Variants in DHX37 observed in about 807,000 individuals in gnomAD.
The protein encoded by DHX37 is DEAH-box helicase 37.
Under a neutral mutation model 134.3 loss-of-function variants are expected in DHX37, and 52 were observed. The ratio of observed to expected loss-of-function variants is 0.39; its 90% CI spans 0.31 to 0.49. DHX37 has a LOEUF of 0.49. Ranked by LOEUF, DHX37 falls within the 20% of genes least tolerant of loss-of-function variation. The pLI is 0.93. For missense variants in DHX37, 1,344 were observed against 1,580.8 expected, an observed-to-expected ratio of 0.85 and a Z score of 2.54; for synonymous variants, 634 against 670.7, an observed-to-expected ratio of 0.95 and a Z score of 0.85.
At chr12:124,956,457 C>G (rs1314650199) in intron 18 of DHX37, among the ~76,000 whole-genome samples, 1 of 152,202 alleles carries the variant, frequency 6.6e-6, no homozygotes, top group African/African-American at 2.4e-5. Flanking sequence ...ACTAAACATA[C>G]TTTCAACATA....
rs11298102 is a variant in DHX37 at position 124,983,785 on chromosome 12, CAA to C, written c.277-1164_277-1163del. On this transcript the variant is annotated intron_variant, in intron 2 of 26. Coordinates refer to ENST00000308736, the MANE Select transcript of DHX37 (RefSeq NM_032656.4). ...GGGCAACAGAGCAAGACCTTGTCTC[CAA>C]AAAAAAAAAAAAAAAGAACACGCTC... is the stretch of plus-strand genomic sequence containing the variant. Among the ~76,000 whole-genome samples the C allele has an allele frequency of 5.5e-4, 65 of 117,372 alleles. No homozygotes were observed. In the East Asian group the frequency reaches 8.1e-3, roughly 15 times the overall value. 77.0% of individuals were successfully genotyped at this position (117,372 alleles called of 152,430 possible).
chr12:124,963,515 T>C (rs1396366771), intron 15 of DHX37, among the ~76,000 whole-genome samples: 2 of 152,126 alleles, frequency 1.3e-5, no homozygotes, highest in Admixed American at 6.5e-5. Context: ...ATGTGAATTA[T>C]ATCCTGATCA....
rs1319127763 is a variant in DHX37 at position 124,982,665 on chromosome 12, C to A, written c.277-42G>T. ...GTGTATTATGCATTTGCCATCACGA[C>A]CCTCTCTTAAGAAGGGAAGTGAGAC... On this transcript the variant is annotated intron_variant, in intron 2 of 26. Coordinates refer to ENST00000308736, the MANE Select transcript of DHX37 (RefSeq NM_032656.4). 6 of 1,599,940 alleles carry A rather than the reference C, an allele frequency of 3.8e-6. No individual in the cohort carries two copies. In the African/African-American group the frequency reaches 8.0e-5, roughly 21 times the overall value.
Position 124,981,995 on chromosome 12 carries a change from T to A in DHX37, c.389+516A>T, listed in dbSNP as rs185373943. Among the ~76,000 whole-genome samples the A allele has an allele frequency of 6.9e-4, 104 of 151,758 alleles. 1 individual carries two copies. Among genetic ancestry groups the A allele is most frequent in the Middle Eastern group, 3.4e-3 (1 of 292 alleles). On this transcript the variant is annotated intron_variant, in intron 3 of 26. Transcript: ENST00000308736. ...AAAATTAGCCGGGCTTGGTGGTGCA[T>A]GCCTGTAATCCCAGCTACTTGGGAG...
chr12:124,966,888 G>A lies in DHX37; in HGVS notation c.1505-10C>T. 1.2e-6 allele frequency: 2 copies of A among 1,614,214 alleles called. No individual in the cohort carries two copies. Among genetic ancestry groups the A allele is most frequent in the East Asian group, 2.2e-5 (1 of 44,878 alleles). On this transcript the variant is annotated splice_polypyrimidine_tract_variant and intron_variant, in intron 11 of 26. Coordinates refer to ENST00000308736, the MANE Select transcript of DHX37 (RefSeq NM_032656.4). ...TGATCGTCGTCCTTTTCTGGGAGAG[G>A]GGCAGGTTGGGGAGAAAGGCGTCTG...
chr12:124,956,675 G>A lies in DHX37; in HGVS notation c.2453+16C>T. 1.3e-6 allele frequency: 2 copies of A among 1,526,302 alleles called. No homozygotes were observed. The highest frequency in any genetic ancestry group is 1.8e-4 in the Middle Eastern group (1 of 5,544). 94.5% of individuals were successfully genotyped at this position (1,526,302 alleles called of 1,614,324 possible). On this transcript the variant is annotated intron_variant, in intron 18 of 26. Transcript: ENST00000308736. The stretch of plus-strand genomic sequence containing the variant: ...AACTGAGCTTGGCCCTGAGTGCCCA[G>A]CCGCCAACCTCGCACCTGTCCAGCT...
chr12:124,954,091 C>G lies in DHX37; in HGVS notation c.2574G>C (p.Leu858=). Reference sequence around the variant, plus strand: ...TCCAACGGGCAGGGCACAAACCCAGCAGCACCATGAGGTCGCCGAGCTTCA... The same window carrying G: ...TCCAACGGGCAGGGCACAAACCCAGGAGCACCATGAGGTCGCCGAGCTTCA... The part of the protein sequence containing the change: ...ASLKLGDLMV[L]LGAVGACEYA... The change falls in exon 19 of 27, where the codon CTG becomes CTC. Residue 858 remains leucine (L), a synonymous_variant. Transcript: ENST00000308736. 1 of 1,608,490 alleles carries G rather than the reference C, an allele frequency of 6.2e-7. No individual in the cohort carries two copies. Among genetic ancestry groups the G allele is most frequent in the Non-Finnish European group, 8.5e-7 (1 of 1,176,858 alleles).
At chr12:124,956,670 G>A in intron 18 of DHX37, 21 bp downstream of exon 18, 1 of 1,523,860 alleles carries the variant, frequency 6.6e-7, no homozygotes, top group Non-Finnish European at 8.9e-7. Flanking sequence ...GGCCCTGAGT[G>A]CCCAGCCGCC....
Position 124,982,662 on chromosome 12 carries a change from C to T in DHX37, c.277-39G>A, listed in dbSNP as rs61942959. On this transcript the variant is annotated intron_variant, in intron 2 of 26. Transcript: ENST00000308736. ...CGAGTGTATTATGCATTTGCCATCACGACCCTCTCTTAAGAAGGGAAGTGA... is the reference window on the plus strand; with the variant it reads ...CGAGTGTATTATGCATTTGCCATCATGACCCTCTCTTAAGAAGGGAAGTGA... 4.4e-4 allele frequency: 698 copies of T among 1,600,824 alleles called. 1 individual carries two copies. Among genetic ancestry groups the T allele is most frequent in the Non-Finnish European group, 4.3e-4 (499 of 1,170,816 alleles).
At chr12:124,982,390 C>T (rs1954776793) in intron 3 of DHX37, 121 bp downstream of exon 3, 1 of 1,349,570 alleles carries the variant, frequency 7.4e-7, no homozygotes. Flanking sequence ...TTTTCAGCCA[C>T]TCAGGCCACC....
At chr12:124,971,228 G>A (rs1386977398) in intron 8 of DHX37, 74 bp downstream of exon 8, 5 of 1,555,298 alleles carry the variant, frequency 3.2e-6, no homozygotes, top group East Asian at 2.4e-5. Context: ...AACAGGTGAA[G>A]GAAGCCCAAG....
At chr12:124,984,776 G>GATAT (rs2135972800) in intron 2 of DHX37, among the ~76,000 whole-genome samples, 1 of 152,240 alleles carries the variant, frequency 6.6e-6, no homozygotes, top group African/African-American at 2.4e-5. Context: ...AATATTTATG[G>GATAT]ATATAATGCT....
At chr12:124,955,564 G>C (rs564877709) in intron 18 of DHX37, among the ~76,000 whole-genome samples, 1 of 152,242 alleles carries the variant, frequency 6.6e-6, no homozygotes, top group East Asian at 1.9e-4. Context: ...TGCCTGCCTC[G>C]GCCTCCCAAG....
At position 124,947,861 on chromosome 12, in the gene DHX37, G is replaced by A; in HGVS notation, c.3415C>T (p.Leu1139Phe). 1 of 1,609,506 alleles carries A rather than the reference G, an allele frequency of 6.2e-7. No homozygotes were observed. Among genetic ancestry groups the A allele is most frequent in the Non-Finnish European group, 8.5e-7 (1 of 1,177,478 alleles). ...KYLLAEYCEW[L>F]PQAMHPDIEK... ...ATATCGGGGTGCATGGCCTGTGGAA[G>A]CCACTCACAGTACTCAGCCAGCAGG... Residue 1139 changes from leucine to phenylalanine, a missense_variant, in exon 27 of 27, where the codon CTT (leucine) becomes TTT (phenylalanine). Transcript: ENST00000308736.
At chr12:124,983,751 C>T (rs1161119327) in intron 2 of DHX37, among the ~76,000 whole-genome samples, 1 of 150,074 alleles carries the variant, frequency 6.7e-6, no homozygotes, top group African/African-American at 2.5e-5. Context: ...TACCACTGCA[C>T]TCCAGCCTGG....
chr12:124,969,050 T>A (rs750778708), intron 8 of DHX37, 82 bp from the exon 9 acceptor site: 84 of 1,354,596 alleles, frequency 6.2e-5, no homozygotes, highest in Non-Finnish European at 7.9e-5. Flanking sequence ...GGGGGTGCCC[T>A]GCTGCCCACC....
In DHX37 at chr12:124,975,495, C is replaced by T. The variant is rs369888049; in HGVS notation, c.904G>A (p.Gly302Ser). The T allele has an allele frequency of 2.7e-5, 43 of 1,612,408 alleles. No individual in the cohort carries two copies. The highest frequency in any genetic ancestry group is 3.3e-4 in the Middle Eastern group (2 of 6,082). ...GCCACTCGGCGGGGCTCCGTGACAC[C>T]GATGATGCTGTCTTCACTGGGGGAG... ...AGFSSEDSII[G>S]VTEPRRVAAV... The change falls in exon 6 of 27, where the codon GGT (glycine) becomes AGT (serine). Residue 302 changes from glycine (G) to serine (S), a missense_variant. Physicochemically the swap from Gly to Ser is moderately conservative, Grantham distance 56 (BLOSUM62 0). Transcript: ENST00000308736.
At chr12:124,961,190 A>ACG (rs34070807) in intron 15 of DHX37, among the ~76,000 whole-genome samples, 27,227 of 112,508 alleles carry the variant, frequency 0.24, 4,744 homozygotes, top group African/African-American at 0.53. Context: ...GCGCGCACGC[A>ACG]CACACACACA....
At position 124,954,187 on chromosome 12, in the gene DHX37, G is replaced by A. The variant is rs768653623; in HGVS notation, c.2478C>T (p.Leu826=). 20 of 1,608,462 alleles carry A rather than the reference G, an allele frequency of 1.2e-5. No individual in the cohort carries two copies. Among genetic ancestry groups the A allele is most frequent in the Non-Finnish European group, 1.6e-5 (19 of 1,177,638 alleles). ...GGGCCCGCTTGCTCTTCAGCCTGGT[G>A]AGCTCCTCGTCACTGGCCGCTGGTC... ...LDRPAASDEE[L]TRLKSKRARV... The change falls in exon 19 of 27, where the codon CTC becomes CTT. Residue 826 remains leucine, a synonymous_variant. Coordinates refer to ENST00000308736, the MANE Select transcript of DHX37 (RefSeq NM_032656.4).
Sources: gnomAD v4.1 joint callset for allele counts (sites outside exome capture counted in the v4.1 genomes callset) on GRCh38, gnomAD v4.1.1 for gene constraint, MANE v1.5 for transcripts, NCBI Gene and HGNC (gene_info 2026-07-23, HGNC 2026-07-21) for gene names.